The following SGSM1 variants were observed in gnomAD, a reference collection of about 807,000 sequenced individuals.
The protein encoded by SGSM1 is RUN and TBC1 domain containing 2.
SGSM1 carries 73 observed loss-of-function variants against 133.8 expected under a neutral mutation model. That is an observed-to-expected ratio of 0.55 (90% confidence interval 0.45 to 0.66). The LOEUF is 0.66. Ranked by LOEUF, SGSM1 falls within the 30% of genes least tolerant of loss-of-function variation. The pLI, the probability that SGSM1 is intolerant of heterozygous loss-of-function variation, is 0.00. For missense variants in SGSM1, 1,213 were observed against 1,448.1 expected (o/e 0.84, Z 2.64); for synonymous variants, 563 against 573.0 (o/e 0.98, Z 0.25).
In SGSM1 at chr22:24,890,183, C is replaced by A. The variant is rs555519912; in HGVS notation, c.1771-3248C>A. On this transcript the variant is annotated intron_variant, in intron 16 of 24. Coordinates refer to ENST00000400358, the MANE Select transcript of SGSM1 (RefSeq NM_001098497.3). ...GTGTTAGATAGGATGGTCTCGATCT[C>A]CTGACCTTGTGATCCGCCCGCCTTG... 8.6e-5 allele frequency among the ~76,000 whole-genome samples: 13 copies of A among 151,780 alleles called. No individual in the cohort carries two copies. The South Asian group carries it at 2.3e-3, about 27-fold the overall frequency.
In SGSM1 at chr22:24,917,671, A is replaced by G. The variant is rs779841014; in HGVS notation, c.2942A>G (p.Glu981Gly). ...CTTCCTTGACAGATCCTGGACTCAG[A>G]GCTGTTTGAGCTGATGCATCAGAAC... The part of the protein sequence containing the change: ...MRSLIQILDS[E>G]LFELMHQNGD... The change falls in exon 23 of 25, where the codon GAG (glutamate) becomes GGG (glycine). Residue 981 changes from glutamate (E) to glycine (G), a missense_variant. Physicochemically the swap from Glu to Gly is moderately conservative, Grantham distance 98 (BLOSUM62 -2). Coordinates refer to ENST00000400358, the MANE Select transcript of SGSM1 (RefSeq NM_001098497.3). 4 of 1,613,482 alleles carry G rather than the reference A, an allele frequency of 2.5e-6. No homozygotes were observed. The highest frequency in any genetic ancestry group is 3.4e-6 in the Non-Finnish European group (4 of 1,179,740).
At chr22:24,811,810 A>G in intron 2 of SGSM1, among the ~76,000 whole-genome samples, 1 of 150,532 alleles carries the variant, frequency 6.6e-6, no homozygotes, top group East Asian at 2.0e-4. Flanking sequence ...TTGAGGCTGC[A>G]GTGAGCTGTG....
intron 12 of SGSM1, 30 bp from the exon 13 acceptor site, chr22:24,876,547 T>C (rs1399137457): frequency 1.2e-6 from 2 of 1,613,240 alleles, no homozygotes; most frequent in East Asian, 4.5e-5. Flanking sequence ...ACCAGGGTGA[T>C]TCTTCTGCCC....
At chr22:24,840,236 G>A (rs1042601611) in intron 2 of SGSM1, among the ~76,000 whole-genome samples, 1 of 152,066 alleles carries the variant, frequency 6.6e-6, no homozygotes, top group African/African-American at 2.4e-5. Context: ...GAGCCACCAC[G>A]CCCGGCCTGG....
At chr22:24,857,321 C>T (rs1466677418) in intron 8 of SGSM1, among the ~76,000 whole-genome samples, 1 of 148,930 alleles carries the variant, frequency 6.7e-6, no homozygotes, top group Non-Finnish European at 1.5e-5. Context: ...TGAGGCAGAA[C>T]TGCTTGAACC....
At chr22:24,845,949 C>CT (rs1220528542) in intron 3 of SGSM1, among the ~76,000 whole-genome samples, 1,338 of 55,898 alleles carry the variant, frequency 0.024, 31 homozygotes, top group African/African-American at 0.052. Context: ...TCTTTTCTTT[C>CT]TTTCTTTCTT....
At chr22:24,881,613 C>T (rs1932336761) in intron 14 of SGSM1, among the ~76,000 whole-genome samples, 1 of 151,798 alleles carries the variant, frequency 6.6e-6, no homozygotes, top group South Asian at 2.1e-4. Flanking sequence ...GCAACAACAA[C>T]AAAAATAGTT....
intron 8 of SGSM1, among the ~76,000 whole-genome samples, chr22:24,859,424 C>A (rs542609507): frequency 1.3e-5 from 2 of 152,108 alleles, no homozygotes; most frequent in Admixed American, 6.5e-5. Context: ...CTGAAGGAAC[C>A]TGGGGTCAGG....
chr22:24,892,550 C>G (rs1932832812), intron 16 of SGSM1, among the ~76,000 whole-genome samples: 1 of 151,994 alleles, frequency 6.6e-6, no homozygotes, highest in Non-Finnish European at 1.5e-5. Flanking sequence ...CACCTGTAGC[C>G]CATGTGGGGT....
intron 20 of SGSM1, among the ~76,000 whole-genome samples, chr22:24,904,865 G>A (rs1187038530): frequency 6.6e-6 from 1 of 152,186 alleles, no homozygotes; most frequent in Non-Finnish European, 1.5e-5. Flanking sequence ...CCATCAGACA[G>A]CAGGGTGCTT....
At chr22:24,871,312 C>T (rs1279610101) in intron 12 of SGSM1, among the ~76,000 whole-genome samples, 1 of 152,154 alleles carries the variant, frequency 6.6e-6, no homozygotes, top group Non-Finnish European at 1.5e-5. Flanking sequence ...AGTGACCTGT[C>T]CTCCGCAGGC....
At position 24,847,708 on chromosome 22, in the gene SGSM1, G is replaced by A; in HGVS notation, c.214G>A (p.Ala72Thr). ...CTTCCTACGCAGCAATAAGATTGCA[G>A]CCCTCTTTATGAAAGTGGGCAAGAA... Reference protein sequence around the residue: ...AGFLRSNKIAALFMKVGKNFP... With the variant: ...AGFLRSNKIATLFMKVGKNFP... Residue 72 changes from alanine to threonine, a missense_variant, in exon 4 of 25, where the codon GCC (alanine) becomes ACC (threonine). Physicochemically the swap from Ala to Thr is moderately conservative, Grantham distance 58 (BLOSUM62 0). Coordinates refer to ENST00000400358, the MANE Select transcript of SGSM1 (RefSeq NM_001098497.3). The A allele has an allele frequency of 6.2e-7, 1 of 1,613,952 alleles. No homozygotes were observed. The highest frequency in any genetic ancestry group is 1.1e-5 in the South Asian group (1 of 91,062).
chr22:24,856,917 C>T (rs1379536492), intron 8 of SGSM1, among the ~76,000 whole-genome samples: 3 of 151,648 alleles, frequency 2.0e-5, no homozygotes, highest in African/African-American at 4.8e-5. Flanking sequence ...TACAGATGCC[C>T]GCCACCACGC....
chr22:24,914,950 C>A (rs1232254627), intron 22 of SGSM1, among the ~76,000 whole-genome samples: 2 of 151,460 alleles, frequency 1.3e-5, no homozygotes, highest in African/African-American at 2.4e-5. Flanking sequence ...GTGCTGCGGC[C>A]GGGCACGGTT....
chr22:24,909,527 C>T (rs990230844), intron 21 of SGSM1, among the ~76,000 whole-genome samples: 48 of 152,232 alleles, frequency 3.2e-4, no homozygotes, highest in African/African-American at 1.1e-3. Flanking sequence ...ACCATCTCAG[C>T]TCACTGCAAC....
chr22:24,895,813 A>G (rs1249409765), intron 18 of SGSM1, among the ~76,000 whole-genome samples: 2 of 152,206 alleles, frequency 1.3e-5, no homozygotes, highest in Non-Finnish European at 2.9e-5. Context: ...TGGGAGGCCA[A>G]GGTAGGCAGA....
intron 2 of SGSM1, among the ~76,000 whole-genome samples, chr22:24,807,863 C>T (rs1488493581): frequency 1.4e-5 from 2 of 146,254 alleles, no homozygotes; most frequent in Admixed American, 6.8e-5. Flanking sequence ...CTCCTCCGTC[C>T]TCCGGGAGCA....
chr22:24,807,443 A>C (rs1927472232), intron 2 of SGSM1, among the ~76,000 whole-genome samples: 1 of 151,726 alleles, frequency 6.6e-6, no homozygotes, highest in South Asian at 2.1e-4. Context: ...GTGGTGCATG[A>C]GTCTGTGAAT....
At chr22:24,808,850 C>T (rs1927570085) in intron 2 of SGSM1, among the ~76,000 whole-genome samples, 1 of 152,156 alleles carries the variant, frequency 6.6e-6, no homozygotes, top group African/African-American at 2.4e-5. Context: ...AGCACACAGC[C>T]AAGATGGGAC....
Sources: allele counts gnomAD v4.1 joint callset (sites outside exome capture counted in the v4.1 genomes callset), GRCh38; gene constraint gnomAD v4.1.1; transcripts MANE v1.5; gene names NCBI Gene and HGNC (gene_info 2026-07-23, HGNC 2026-07-21).